DONSON: variants seen among roughly 807,000 people sequenced by gnomAD.
The protein encoded by DONSON is protein downstream neighbor of Son.
A neutral mutation model predicts 62.1 loss-of-function variants in DONSON; 43 were observed. That is an observed-to-expected ratio of 0.69 (90% CI 0.54 to 0.89). DONSON has a LOEUF of 0.89. Ranked by LOEUF, DONSON falls within the 40% of genes least tolerant of loss-of-function variation. The pLI, the probability that DONSON is intolerant of heterozygous loss-of-function variation, is 0.00. For synonymous variants in DONSON, 266 were observed against 264.6 expected (o/e 1.01, Z -0.05); for missense variants, 696 against 697.5 (o/e 1.00, Z 0.03).
At chr21:33,583,975 A>T (rs2086546952) in intron 4 of DONSON, among the ~76,000 whole-genome samples, 1 of 148,814 alleles carries the variant, frequency 6.7e-6, no homozygotes, top group South Asian at 2.1e-4. Flanking sequence ...GGAAGCAGAG[A>T]CTGACAAGAA....
At chr21:33,582,660 A>G (rs1454657624) in intron 5 of DONSON, among the ~76,000 whole-genome samples, 1 of 152,170 alleles carries the variant, frequency 6.6e-6, no homozygotes, top group Non-Finnish European at 1.5e-5. Context: ...TATTTTAGAG[A>G]TCAGAGAACA....
At chr21:33,583,199 T>TCAA (rs2086534705) in intron 5 of DONSON, among the ~76,000 whole-genome samples, 4 of 15,624 alleles carry the variant, frequency 2.6e-4, no homozygotes, top group Admixed American at 9.1e-4. Context: ...AGTCTCCATC[T>TCAA]CAAAAAAAAA....
At chr21:33,587,792 G>A (rs1008616624) in intron 1 of DONSON, among the ~76,000 whole-genome samples, 190 bp from the exon 2 acceptor site, 14 of 152,152 alleles carry the variant, frequency 9.2e-5, no homozygotes, top group African/African-American at 3.1e-4. Flanking sequence ...AAATTGAGGG[G>A]AACAGGGACC....
Position 33,579,413 on chromosome 21 carries a change from C to T in DONSON, c.1500G>A (p.Leu500=), listed in dbSNP as rs1377542545. The T allele has an allele frequency of 1.2e-6, 2 of 1,613,714 alleles. No individual in the cohort carries two copies. The highest frequency in any genetic ancestry group is 1.7e-6 in the Non-Finnish European group (2 of 1,179,732). Residue 500 remains leucine, a synonymous_variant, in exon 9 of 10, where the codon CTG becomes CTA. Transcript: ENST00000303071. ...ATACAGCAGTTGGCTCGTGTGGATA[C>T]AGTACTGCAGAGAAAGATCCACTCT... The part of the protein sequence containing the change: ...SSQSGSFSAV[L]YPHEPTAVFN...
At position 33,579,392 on chromosome 21, in the gene DONSON, A is replaced by G. The variant is rs762873830; in HGVS notation, c.1521T>C (p.Ala507=). The part of the protein sequence containing the change: ...SAVLYPHEPT[A]VFNICLQMDK... ...CCATTTGCAGGCAGATGTTAAATAC[A>G]GCAGTTGGCTCGTGTGGATACAGTA... The change falls in exon 9 of 10, where the codon GCT becomes GCC. Residue 507 remains alanine, a synonymous_variant. Transcript: ENST00000303071. The G allele has an allele frequency of 1.2e-6, 2 of 1,612,160 alleles. No individual in the cohort carries two copies. The highest frequency in any genetic ancestry group is 1.3e-5 in the African/African-American group (1 of 74,908).
rs538971541 is a variant in DONSON, at chr21:33,580,868, G to T, written c.1350+434C>A. ...CTGCACTGCAGCCGGTGACAGAGTG[G>T]GACTCCCTCTTAAAACAAACAAACA... On this transcript the variant is annotated intron_variant, in intron 8 of 9. Coordinates refer to ENST00000303071, the MANE Select transcript of DONSON (RefSeq NM_017613.4). 7.9e-5 allele frequency among the ~76,000 whole-genome samples: 12 copies of T among 151,624 alleles called. No individual in the cohort carries two copies. In the South Asian group the frequency reaches 2.5e-3, roughly 32 times the overall value.
At chr21:33,586,884 C>T (rs561071084) in intron 2 of DONSON, among the ~76,000 whole-genome samples, 1 of 152,290 alleles carries the variant, frequency 6.6e-6, no homozygotes, top group East Asian at 1.9e-4. Flanking sequence ...GTGTGATCCG[C>T]CTGCTTCAGC....
At position 33,588,587 on chromosome 21, in the gene DONSON, C is replaced by G. The variant is rs1277027944; in HGVS notation, c.55G>C (p.Val19Leu). 1.1e-5 allele frequency: 14 copies of G among 1,253,256 alleles called. No individual in the cohort carries two copies. Among genetic ancestry groups the G allele is most frequent in the Non-Finnish European group, 1.4e-5 (14 of 997,792 alleles). 77.6% of individuals were successfully genotyped at this position (1,253,256 alleles called of 1,614,324 possible). A position where few individuals can be genotyped will look rare whatever the true frequency, so the allele number is the denominator to read the frequency against. Residue 19 changes from valine (V) to leucine (L), a missense_variant, in exon 1 of 10, where the codon GTG (valine) becomes CTG (leucine). Coordinates refer to ENST00000303071, the MANE Select transcript of DONSON (RefSeq NM_017613.4). Reference protein sequence around the residue: ...SPGFRKPPEVVRLRRKRARSR... With the variant: ...SPGFRKPPEVLRLRRKRARSR... ...CGGGCCCTTTTCCGTCGGAGCCGCA[C>G]TACCTCGGGCGGCTTTCGGAAGCCC...
rs746846902 is a variant in DONSON, at chr21:33,588,382, G to A, written c.260C>T (p.Pro87Leu). ...GTCGGGGGGCTCCGCGGCGACCCGC[G>A]GTCGGTTGTCCAGGCGGGCGAAGGG... ...RNPFARLDNRPRVAAEPPDGP... is the reference protein window; with the variant it reads ...RNPFARLDNRLRVAAEPPDGP... Residue 87 changes from proline (P) to leucine (L), a missense_variant, in exon 1 of 10, where the codon CCG becomes CTG. Transcript: ENST00000303071. 1.5e-6 allele frequency: 2 copies of A among 1,294,224 alleles called. No individual in the cohort carries two copies. The highest frequency in any genetic ancestry group is 3.1e-5 in the East Asian group (1 of 32,556). The allele number at this position is 1,294,224 out of a possible 1,614,324, so 80.2% of individuals were successfully genotyped here.
intron 5 of DONSON, 83 bp from the exon 6 acceptor site, chr21:33,582,329 G>T: frequency 8.7e-7 from 1 of 1,146,100 alleles, no homozygotes; most frequent in Non-Finnish European, 1.3e-6. Context: ...TAAAAAATTT[G>T]AAATGTTAGT....
chr21:33,582,318 G>A (rs2086522144), intron 5 of DONSON, 72 bp from the exon 6 acceptor site: 2 of 1,272,746 alleles, frequency 1.6e-6, no homozygotes, highest in East Asian at 4.7e-5. Context: ...CTTTTAGAGT[G>A]TAAAAAATTT....
chr21:33,584,549 A>G (rs756636919), intron 4 of DONSON, 41 bp downstream of exon 4: 4 of 1,495,928 alleles, frequency 2.7e-6, no homozygotes, highest in Non-Finnish European at 3.6e-6. Flanking sequence ...CTAAAATAAA[A>G]TTCACTATTG....
chr21:33,580,927 A>T (rs1283352703), intron 8 of DONSON, among the ~76,000 whole-genome samples: 1 of 151,778 alleles, frequency 6.6e-6, no homozygotes, highest in East Asian at 1.9e-4. Context: ...CAAAAAAAAT[A>T]GCTAGGCTTG....
chr21:33,578,382 A>C lies in DONSON; in HGVS notation c.1626T>G (p.Ser542Arg). 1 of 1,614,056 alleles carries C rather than the reference A, an allele frequency of 6.2e-7. No individual in the cohort carries two copies. Among genetic ancestry groups the C allele is most frequent in the African/African-American group, 1.3e-5 (1 of 75,042 alleles). Residue 542 changes from serine (S) to arginine (R), a missense_variant, in exon 10 of 10, where the codon AGT (serine) becomes AGG (arginine). By Grantham distance (110) the Ser-to-Arg change is moderately radical. Coordinates refer to ENST00000303071, the MANE Select transcript of DONSON (RefSeq NM_017613.4). ...GLHPNTLEQL[S>R]QIPLLGKSSL... ...ATGATTTCCCAAGTAACGGTATTTG[A>C]CTAAGTTGCTCCAGAGTGTTAGGGT... is the stretch of plus-strand genomic sequence containing the variant.
chr21:33,587,391 C>A, intron 2 of DONSON, 131 bp downstream of exon 2: 1 of 1,395,638 alleles, frequency 7.2e-7, no homozygotes, highest in Non-Finnish European at 9.3e-7. Context: ...GATGATCAAG[C>A]CTCTCTGTAA....
chr21:33,587,390 G>A, intron 2 of DONSON, 132 bp downstream of exon 2: 8 of 1,397,140 alleles, frequency 5.7e-6, no homozygotes, highest in Middle Eastern at 2.7e-4. Flanking sequence ...AGATGATCAA[G>A]CCTCTCTGTA....
At chr21:33,580,826 G>A (rs2086499605) in intron 8 of DONSON, among the ~76,000 whole-genome samples, 1 of 151,944 alleles carries the variant, frequency 6.6e-6, no homozygotes, top group South Asian at 2.1e-4. Flanking sequence ...AGGCTGCAGT[G>A]AGCCGAGATC....
rs201636934 is a variant in DONSON at position 33,588,298 on chromosome 21, C to A, written c.321+23G>T. The A allele has an allele frequency of 2.1e-4, 264 of 1,252,294 alleles. 1 individual carries two copies. The African/African-American group carries it at 3.6e-3, about 17-fold the overall frequency. 77.6% of individuals were successfully genotyped at this position (1,252,294 alleles called of 1,614,324 possible). A position where few individuals can be genotyped will look rare whatever the true frequency, so the allele number is the denominator to read the frequency against. On this transcript the variant is annotated intron_variant, in intron 1 of 9. Coordinates refer to ENST00000303071, the MANE Select transcript of DONSON (RefSeq NM_017613.4). ...CCCACGAAAGACAAGAGCCCCTTGGCGGCCAGGCTACAAGACACTCACCGG... is the reference window on the plus strand; with the variant it reads ...CCCACGAAAGACAAGAGCCCCTTGGAGGCCAGGCTACAAGACACTCACCGG...
rs1405734433 is a variant in DONSON, at chr21:33,581,838, A to AT, written c.1151+112dup. ...GTATTACAATGGAGAATTAGTTTTA[A>AT]TATGACCTGAAGATAATTTAAGATT... On this transcript the variant is annotated intron_variant, in intron 7 of 9. Transcript: ENST00000303071. The AT allele has an allele frequency of 5.3e-6, 5 of 948,506 alleles. No individual in the cohort carries two copies. In the African/African-American group the frequency reaches 8.3e-5, roughly 16 times the overall value. The allele number at this position is 948,506 out of a possible 1,614,324, so 58.8% of individuals were successfully genotyped here.
Sources: allele counts gnomAD v4.1 joint callset (sites outside exome capture counted in the v4.1 genomes callset), GRCh38; gene constraint gnomAD v4.1.1; transcripts MANE v1.5; gene names NCBI Gene and HGNC (gene_info 2026-07-23, HGNC 2026-07-21).